Variants in AUTS2 observed in about 807,000 individuals in gnomAD.
AUTS2 encodes autism susceptibility gene 2 protein.
Under a neutral mutation model 112.4 loss-of-function variants are expected in AUTS2, and 17 were observed. The ratio of observed to expected loss-of-function variants is 0.15; its 90% confidence interval spans 0.10 to 0.23. AUTS2 has a LOEUF of 0.23. Ranked by LOEUF, AUTS2 falls within the 10% of genes least tolerant of loss-of-function variation. The probability of loss-of-function intolerance (pLI) is 1.00; values close to 1 mark genes in which losing one functional copy is unlikely to be tolerated. For missense variants in AUTS2, 1,510 were observed against 1,701.6 expected (o/e 0.89, Z 1.98); for synonymous variants, 751 against 702.7 (o/e 1.07, Z -1.09).
intron 6 of AUTS2, among the ~76,000 whole-genome samples, chr7:70,742,050 C>T (rs1378876985): frequency 6.6e-6 from 1 of 152,216 alleles, no homozygotes; most frequent in African/African-American, 2.4e-5. Flanking sequence ...AATAAACTCA[C>T]ATTTCAAAGC....
intron 1 of AUTS2, among the ~76,000 whole-genome samples, chr7:69,843,850 G>T (rs557498143): frequency 6.6e-6 from 1 of 152,248 alleles, no homozygotes; most frequent in East Asian, 1.9e-4. Context: ...TTTGCATGAA[G>T]GTCCACAACT....
rs1212549629 is a variant in AUTS2 at position 69,827,620 on chromosome 7, C to G, written c.310-71666C>G. 2.0e-5 allele frequency among the ~76,000 whole-genome samples: 3 copies of G among 152,112 alleles called. No homozygotes were observed. In the South Asian group the frequency reaches 6.2e-4, roughly 31 times the overall value. ...AAAGGTGTAGGGAGGTGGAGAAAAG[C>G]ACTCCTTCCATTTAAGGGGAAGTAA... On this transcript the variant is annotated intron_variant, in intron 1 of 18. Coordinates refer to ENST00000342771, the MANE Select transcript of AUTS2 (RefSeq NM_015570.4).
At chr7:70,032,018 AG>A (rs1363649160) in intron 2 of AUTS2, among the ~76,000 whole-genome samples, 11 of 152,208 alleles carry the variant, frequency 7.2e-5, no homozygotes, top group African/African-American at 2.4e-4. Context: ...CCACAGAAAC[AG>A]TATAGTAGTC....
At chr7:70,306,359 A>C (rs904606613) in intron 4 of AUTS2, among the ~76,000 whole-genome samples, 3 of 152,160 alleles carry the variant, frequency 2.0e-5, no homozygotes, top group African/African-American at 7.2e-5. Flanking sequence ...GCTTGGAGAA[A>C]ACTCAATTCT....
At chr7:70,094,531 TA>T (rs1804088211) in intron 2 of AUTS2, among the ~76,000 whole-genome samples, 1 of 152,240 alleles carries the variant, frequency 6.6e-6, no homozygotes, top group Admixed American at 6.5e-5. Context: ...TAGCCCTTCT[TA>T]GGCATCCCAA....
At chr7:70,565,371 T>A (rs1801664859) in intron 5 of AUTS2, among the ~76,000 whole-genome samples, 1 of 152,100 alleles carries the variant, frequency 6.6e-6, no homozygotes, top group South Asian at 2.1e-4. Context: ...ATTGTTCATT[T>A]AAAAAAAGGA....
chr7:70,691,432 A>C (rs1456019412), intron 5 of AUTS2, among the ~76,000 whole-genome samples: 1 of 152,030 alleles, frequency 6.6e-6, no homozygotes, highest in African/African-American at 2.4e-5. Flanking sequence ...AAAAAAAAAA[A>C]AACAATCTTC....
intron 1 of AUTS2, among the ~76,000 whole-genome samples, chr7:69,811,264 C>A (rs1790531766): frequency 6.6e-6 from 1 of 151,952 alleles, no homozygotes. Context: ...ACCTAACACT[C>A]AAAAGGTTTT....
At chr7:69,656,542 A>AT (rs1254217541) in intron 1 of AUTS2, among the ~76,000 whole-genome samples, 1 of 152,140 alleles carries the variant, frequency 6.6e-6, no homozygotes, top group Non-Finnish European at 1.5e-5. Flanking sequence ...TGTTGGCCAG[A>AT]TAATGTATCC....
chr7:69,883,837 C>T (rs914183806), intron 1 of AUTS2, among the ~76,000 whole-genome samples: 2 of 152,280 alleles, frequency 1.3e-5, no homozygotes, highest in East Asian at 1.9e-4. Flanking sequence ...TTTTAACAGC[C>T]GCCATGTGTA....
At chr7:70,120,445 G>A (rs978372356) in intron 3 of AUTS2, 2 of 152,060 alleles carry the variant, frequency 1.3e-5, no homozygotes. Flanking sequence ...ATTTTGTGAT[G>A]GAGCTATACA....
At chr7:69,730,641 G>T (rs1430140538) in intron 1 of AUTS2, among the ~76,000 whole-genome samples, 2 of 152,182 alleles carry the variant, frequency 1.3e-5, no homozygotes, top group Non-Finnish European at 2.9e-5. Context: ...AATGTACAGA[G>T]AATTTTTTTA....
chr7:69,879,828 C>G (rs1354114321), intron 1 of AUTS2, among the ~76,000 whole-genome samples: 1 of 152,090 alleles, frequency 6.6e-6, no homozygotes, highest in Non-Finnish European at 1.5e-5. Context: ...GAGACAAGGT[C>G]TTACCCTGTC....
At chr7:70,242,474 T>C (rs962973334) in intron 4 of AUTS2, among the ~76,000 whole-genome samples, 4 of 152,234 alleles carry the variant, frequency 2.6e-5, no homozygotes, top group South Asian at 2.1e-4. Context: ...TTGGGTGTTA[T>C]ACAAATCAGA....
intron 5 of AUTS2, among the ~76,000 whole-genome samples, chr7:70,530,971 G>C (rs77140466): frequency 0.021 from 3,256 of 152,244 alleles, 56 homozygotes; most frequent in Middle Eastern, 0.048. Flanking sequence ...GGAAGTCAAT[G>C]GTACCATCCC....
intron 2 of AUTS2, among the ~76,000 whole-genome samples, chr7:69,914,467 C>T (rs1039263168): frequency 6.6e-6 from 1 of 151,294 alleles, no homozygotes; most frequent in Non-Finnish European, 1.5e-5. Flanking sequence ...AAATAAGATA[C>T]TGATGAGCGC....
At chr7:70,094,894 T>G (rs1441560870) in intron 2 of AUTS2, among the ~76,000 whole-genome samples, 1 of 152,132 alleles carries the variant, frequency 6.6e-6, no homozygotes, top group Non-Finnish European at 1.5e-5. Context: ...TGGGAGAAGC[T>G]TAGGAGTCTG....
chr7:69,624,692 C>G (rs563617157), intron 1 of AUTS2, among the ~76,000 whole-genome samples: 51 of 152,210 alleles, frequency 3.4e-4, no homozygotes, highest in Non-Finnish European at 4.3e-4. Flanking sequence ...CTCTCTGCCT[C>G]ATGCTCCCCC....
At chr7:70,277,932 G>GTA (rs1389480732) in intron 4 of AUTS2, among the ~76,000 whole-genome samples, 1 of 131,892 alleles carries the variant, frequency 7.6e-6, no homozygotes, top group Non-Finnish European at 1.6e-5. Flanking sequence ...GTATTTGTGT[G>GTA]TGTGTGTGTG....
Sources: allele counts gnomAD v4.1 joint callset (sites outside exome capture counted in the v4.1 genomes callset), GRCh38; gene constraint gnomAD v4.1.1; transcripts MANE v1.5; gene names NCBI Gene and HGNC (gene_info 2026-07-23, HGNC 2026-07-21).